Variants in DENND5B observed in about 807,000 individuals in gnomAD.
The protein encoded by DENND5B is DENN domain containing 5B, also known as DENN domain-containing protein 5B.
DENND5B carries 34 observed loss-of-function variants against 140.6 expected under a neutral mutation model. The observed-to-expected ratio is 0.24, with a 90% CI of 0.18 to 0.32. DENND5B has a LOEUF of 0.32. DENND5B is among the 10% of genes least tolerant of loss of function. DENND5B has a pLI of 1.00. For missense variants in DENND5B, 1,142 were observed against 1,560.2 expected, an observed-to-expected ratio of 0.73 and a Z score of 4.52; for synonymous variants, 551 against 562.1, an observed-to-expected ratio of 0.98 and a Z score of 0.28.
chr12:31,417,161 C>A (rs1942791790), intron 11 of DENND5B, among the ~76,000 whole-genome samples: 1 of 150,588 alleles, frequency 6.6e-6, no homozygotes, highest in Non-Finnish European at 1.5e-5. Context: ...TCGAGACCAC[C>A]CTGGCTAACA....
At chr12:31,511,122 C>G (rs1194319626) in intron 1 of DENND5B, among the ~76,000 whole-genome samples, 12 of 152,080 alleles carry the variant, frequency 7.9e-5, no homozygotes, top group Admixed American at 7.9e-4. Flanking sequence ...GCCTGTAGTC[C>G]CAGCTACTCA....
At chr12:31,435,135 C>T (rs888600136) in intron 7 of DENND5B, among the ~76,000 whole-genome samples, 4 of 152,098 alleles carry the variant, frequency 2.6e-5, no homozygotes, top group Non-Finnish European at 5.9e-5. Flanking sequence ...CCCCTCACTT[C>T]CCTATTCCCG....
chr12:31,479,548 G>A, intron 3 of DENND5B, 41 bp downstream of exon 3: 2 of 1,443,618 alleles, frequency 1.4e-6, no homozygotes, highest in Non-Finnish European at 1.8e-6. Context: ...GGGAGCAAAA[G>A]TACTTGTTTT....
chr12:31,480,087 A>G lies in DENND5B; in HGVS notation c.406T>C (p.Tyr136His), dbSNP rs966893724. 5.0e-6 allele frequency: 8 copies of G among 1,613,870 alleles called. No homozygotes were observed. In the Admixed American group the frequency reaches 6.7e-5, roughly 13 times the overall value. ...KQICTAMQTL[Y>H]QMHNAEHYSS... The stretch of plus-strand genomic sequence containing the variant: ...TAATGCTCAGCGTTGTGCATCTGGT[A>G]AAGTGTCTGCATTGCTGTGCAGATT... The change falls in exon 3 of 21, where the codon TAC becomes CAC. Residue 136 changes from tyrosine (Y) to histidine (H), a missense_variant. Physicochemically the swap from Tyr to His is moderately conservative, Grantham distance 83 (BLOSUM62 2). Coordinates refer to ENST00000389082, the MANE Select transcript of DENND5B (RefSeq NM_144973.4).
At chr12:31,574,770 G>A (rs541878956) in intron 1 of DENND5B, among the ~76,000 whole-genome samples, 1 of 152,062 alleles carries the variant, frequency 6.6e-6, no homozygotes, top group Non-Finnish European at 1.5e-5. Context: ...CACTGTAAAC[G>A]GGTCCTGTCA....
intron 17 of DENND5B, among the ~76,000 whole-genome samples, chr12:31,395,096 ATCTC>A (rs1274617178): frequency 6.6e-6 from 1 of 152,122 alleles, no homozygotes; most frequent in Non-Finnish European, 1.5e-5. Context: ...TTATGAATAA[ATCTC>A]TCAAAATATC....
chr12:31,550,526 C>G (rs1271489118), intron 1 of DENND5B, among the ~76,000 whole-genome samples: 1 of 151,982 alleles, frequency 6.6e-6, no homozygotes, highest in Admixed American at 6.6e-5. Flanking sequence ...TATAAACATA[C>G]GTGTGCATGT....
At chr12:31,452,618 G>A in intron 4 of DENND5B, 142 bp from the exon 5 acceptor site, 1 of 848,692 alleles carries the variant, frequency 1.2e-6, no homozygotes, top group East Asian at 2.8e-5. Context: ...GAGCCCAGGG[G>A]TTCGAGACAA....
At chr12:31,393,612 C>T (rs990701801) in intron 17 of DENND5B, among the ~76,000 whole-genome samples, 3 of 152,206 alleles carry the variant, frequency 2.0e-5, no homozygotes, top group African/African-American at 7.2e-5. Flanking sequence ...ACTTAACACA[C>T]TATAAAGGAA....
In DENND5B at chr12:31,547,691, G is replaced by A. The variant is rs563156572; in HGVS notation, c.127+43015C>T. Among the ~76,000 whole-genome samples, 13 of 151,462 alleles carry A rather than the reference G, an allele frequency of 8.6e-5. 1 individual carries two copies. The South Asian group carries it at 1.9e-3, about 22-fold the overall frequency. ...ATTACAGGCGTAAACCACTGCACCC[G>A]GCCTCAAACTAAAAAGTTTGTTTTG... On this transcript the variant is annotated intron_variant, in intron 1 of 20. Transcript: ENST00000389082.
At chr12:31,543,327 C>T (rs1297314632) in intron 1 of DENND5B, among the ~76,000 whole-genome samples, 1 of 152,166 alleles carries the variant, frequency 6.6e-6, no homozygotes, top group Non-Finnish European at 1.5e-5. Flanking sequence ...GGTATCACTC[C>T]TTACACTCCA....
At position 31,479,969 on chromosome 12, in the gene DENND5B, C is replaced by A. The variant is rs758268350; in HGVS notation, c.524G>T (p.Arg175Leu). 4 of 1,613,938 alleles carry A rather than the reference C, an allele frequency of 2.5e-6. No individual in the cohort carries two copies. The highest frequency in any genetic ancestry group is 3.4e-6 in the Non-Finnish European group (4 of 1,179,872). Residue 175 changes from arginine (R) to leucine (L), a missense_variant, in exon 3 of 21, where the codon CGA (arginine) becomes CTA (leucine). Arg to Leu is a moderately radical substitution (Grantham distance 102). Transcript: ENST00000389082. ...TCTGCTAATATCATAGGAGTTGTAT[C>A]GCTGGAGTTTCAAAAGGGAAGTTGT... ...GDTTSLLKLQ[R>L]YNSYDISRDT...
rs1403299202 is a variant in DENND5B at position 31,519,789 on chromosome 12, TA to T, written c.128-23871del. ...CTTCAGAATTTTTTTATAACAGCTT[TA>T]TTGAGCTATATTGCACATACCCTTA... On this transcript the variant is annotated intron_variant, in intron 1 of 20. Transcript: ENST00000389082. Among the ~76,000 whole-genome samples, 55 of 152,230 alleles carry T rather than the reference TA, an allele frequency of 3.6e-4. 1 individual carries two copies. Among genetic ancestry groups the T allele is most frequent in the Non-Finnish European group, 5.9e-5 (4 of 68,040 alleles).
chr12:31,518,657 C>T (rs1423686439), intron 1 of DENND5B, among the ~76,000 whole-genome samples: 1 of 151,848 alleles, frequency 6.6e-6, no homozygotes, highest in African/African-American at 2.4e-5. Context: ...CTGTATATTA[C>T]CTTCCCTTCT....
At chr12:31,389,950 T>C (rs1274666453) in intron 19 of DENND5B, among the ~76,000 whole-genome samples, 2 of 151,850 alleles carry the variant, frequency 1.3e-5, no homozygotes, top group African/African-American at 2.4e-5. Context: ...GAGAGATATA[T>C]GTATATACAC....
intron 3 of DENND5B, among the ~76,000 whole-genome samples, chr12:31,461,888 A>T (rs931820805): frequency 3.3e-5 from 5 of 152,292 alleles, no homozygotes; most frequent in Admixed American, 3.3e-4. Flanking sequence ...AAATGATCAG[A>T]TGTTACTTGA....
intron 3 of DENND5B, among the ~76,000 whole-genome samples, chr12:31,469,324 C>A (rs1945430073): frequency 9.2e-6 from 1 of 108,330 alleles, no homozygotes; most frequent in Admixed American, 1.3e-4. Context: ...CAGAGACAGA[C>A]TCCATCTCAA....
At chr12:31,464,243 T>C (rs927268454) in intron 3 of DENND5B, among the ~76,000 whole-genome samples, 1 of 152,330 alleles carries the variant, frequency 6.6e-6, no homozygotes, top group Non-Finnish European at 1.5e-5. Context: ...GTAAGACCAC[T>C]TGCTTGCAGT....
chr12:31,528,257 C>A (rs746110950), intron 1 of DENND5B, among the ~76,000 whole-genome samples: 2 of 152,196 alleles, frequency 1.3e-5, no homozygotes, highest in Non-Finnish European at 2.9e-5. Context: ...GTTCTGGTTG[C>A]TATGCGCATT....
Sources: allele counts gnomAD v4.1 joint callset (sites outside exome capture counted in the v4.1 genomes callset), GRCh38; gene constraint gnomAD v4.1.1; transcripts MANE v1.5; gene names NCBI Gene and HGNC (gene_info 2026-07-23, HGNC 2026-07-21).